The following LIMD1 variants were observed in gnomAD, a reference collection of about 807,000 sequenced individuals.
The protein encoded by LIMD1 is LIM domain containing 1, also known as LIM domain-containing protein 1.
LIMD1 carries 23 observed loss-of-function variants against 58.4 expected under a neutral mutation model. The observed-to-expected ratio is 0.39, with a 90% CI of 0.28 to 0.56. The LOEUF is 0.56. LIMD1 is among the 20% of genes least tolerant of loss of function. The probability of loss-of-function intolerance (pLI) is 0.57; values close to 1 mark genes in which losing one functional copy is unlikely to be tolerated. For synonymous variants in LIMD1, 334 were observed against 345.5 expected (o/e 0.97, Z 0.37); for missense variants, 838 against 855.5 (o/e 0.98, Z 0.25).
chr3:45,625,358 A>G (rs1261629064), intron 1 of LIMD1, among the ~76,000 whole-genome samples: 4 of 152,046 alleles, frequency 2.6e-5, no homozygotes, highest in African/African-American at 7.2e-5. Flanking sequence ...AGTACCTCAC[A>G]CTCAGTAGAT....
At chr3:45,657,059 A>G (rs1286299279) in intron 2 of LIMD1, among the ~76,000 whole-genome samples, 2 of 152,040 alleles carry the variant, frequency 1.3e-5, no homozygotes, top group Admixed American at 6.6e-5. Flanking sequence ...GATTCCAGGA[A>G]TTTTCAGGTT....
chr3:45,657,609 G>A (rs1242738366), intron 2 of LIMD1, among the ~76,000 whole-genome samples: 2 of 152,030 alleles, frequency 1.3e-5, no homozygotes, highest in Non-Finnish European at 1.5e-5. Flanking sequence ...CTGCATATAG[G>A]TGTGCATCCA....
Position 45,676,958 on chromosome 3 carries a change from C to T in LIMD1, c.1930C>T (p.Arg644Cys), listed in dbSNP as rs762728717. ...GGAGCTCAATGATGAAGATGGCCAC[C>T]GCTGTTATCCGCTGGAGGACCACCT... Reference protein sequence around the residue: ...GLELNDEDGHRCYPLEDHLFC... With the variant: ...GLELNDEDGHCCYPLEDHLFC... The change falls in exon 8 of 8, where the codon CGC becomes TGC. Residue 644 changes from arginine to cysteine, a missense_variant. Arg to Cys is a radical substitution (Grantham distance 180). This residue lies in a region of LIMD1 where 174 missense variants were observed against 197.4 expected (regional missense o/e 0.88). Coordinates refer to ENST00000273317, the MANE Select transcript of LIMD1 (RefSeq NM_014240.3). 35 of 1,613,952 alleles carry T rather than the reference C, an allele frequency of 2.2e-5. No homozygotes were observed. The highest frequency in any genetic ancestry group is 1.0e-4 in the Admixed American group (6 of 60,012).
At chr3:45,649,759 TTATATA>T (rs570443903) in intron 2 of LIMD1, among the ~76,000 whole-genome samples, 1 of 146,134 alleles carries the variant, frequency 6.8e-6, no homozygotes, top group Non-Finnish European at 1.5e-5. Flanking sequence ...ATTATATATT[TTATATA>T]TATAATTATA....
At chr3:45,654,041 A>G (rs536956237) in intron 2 of LIMD1, among the ~76,000 whole-genome samples, 68 of 152,208 alleles carry the variant, frequency 4.5e-4, no homozygotes, top group African/African-American at 1.6e-3. Context: ...ACAAGTGGCC[A>G]TCAAGTACTC....
chr3:45,648,974 C>A (rs1701934558), intron 2 of LIMD1, among the ~76,000 whole-genome samples: 1 of 152,096 alleles, frequency 6.6e-6, no homozygotes, highest in South Asian at 2.1e-4. Flanking sequence ...GGAATATTTT[C>A]TTTCATTCTG....
chr3:45,645,509 C>G (rs1306231651), intron 2 of LIMD1, among the ~76,000 whole-genome samples: 1 of 152,164 alleles, frequency 6.6e-6, no homozygotes, highest in African/African-American at 2.4e-5. Context: ...GTGGTAGTCC[C>G]AGACCAAGGG....
At chr3:45,663,799 C>T (rs913039306) in intron 2 of LIMD1, among the ~76,000 whole-genome samples, 1 of 151,712 alleles carries the variant, frequency 6.6e-6, no homozygotes, top group South Asian at 2.1e-4. Context: ...ACTGCAATCT[C>T]CACCTCCTGG....
chr3:45,617,673 A>T (rs569119975), intron 1 of LIMD1, among the ~76,000 whole-genome samples: 15 of 152,358 alleles, frequency 9.8e-5, no homozygotes, highest in Non-Finnish European at 1.8e-4. Flanking sequence ...AGAACTGAAC[A>T]AAGTGTGCTT....
intron 1 of LIMD1, among the ~76,000 whole-genome samples, chr3:45,601,666 T>G (rs781598328): frequency 6.6e-6 from 1 of 152,214 alleles, no homozygotes; most frequent in Admixed American, 6.5e-5. Context: ...TTAGTTTTGA[T>G]GTAGGCACCA....
At chr3:45,598,794 A>G in intron 1 of LIMD1, among the ~76,000 whole-genome samples, 1 of 152,168 alleles carries the variant, frequency 6.6e-6, no homozygotes, top group South Asian at 2.1e-4. Flanking sequence ...AGACTGGACC[A>G]TGTGTTTTCC....
chr3:45,594,774 C>G lies in LIMD1; in HGVS notation c.-106C>G. On this transcript the variant is annotated 5_prime_UTR_variant, in exon 1 of 8. Coordinates refer to ENST00000273317, the MANE Select transcript of LIMD1 (RefSeq NM_014240.3). ...CCCTTCGCCAGCATCTCCCCGCTGC[C>G]CTCAACACACACACACACACACACA... 1 of 921,984 alleles carries G rather than the reference C, an allele frequency of 1.1e-6. No individual in the cohort carries two copies. Among genetic ancestry groups the G allele is most frequent in the African/African-American group, 1.7e-5 (1 of 58,242 alleles). 57.1% of individuals were successfully genotyped at this position (921,984 alleles called of 1,614,324 possible).
At position 45,683,957 on chromosome 3, in the gene LIMD1, G is replaced by T. The variant is rs993802656; in HGVS notation, c.*6898G>T. 6.6e-6 allele frequency: 1 copy of T among 152,156 alleles called. No homozygotes were observed. The highest frequency in any genetic ancestry group is 1.5e-5 in the Non-Finnish European group (1 of 68,040). The allele number at this position is 152,156 out of a possible 1,614,324, so 9.4% of individuals were successfully genotyped here. A position where few individuals can be genotyped will look rare whatever the true frequency, so the allele number is the denominator to read the frequency against. ...AGAGGAAATGAAAGAATATTCCTAA[G>T]TTATTGGGTGCCTTTTCTTCAGGAA... On this transcript the variant is annotated 3_prime_UTR_variant, in exon 8 of 8. Coordinates refer to ENST00000273317, the MANE Select transcript of LIMD1 (RefSeq NM_014240.3).
Position 45,681,937 on chromosome 3 carries a change from A to G in LIMD1, c.*4878A>G, listed in dbSNP as rs1425130448. 6.6e-6 allele frequency: 1 copy of G among 152,238 alleles called. No individual in the cohort carries two copies. The highest frequency in any genetic ancestry group is 1.5e-5 in the Non-Finnish European group (1 of 68,054). 9.4% of individuals were successfully genotyped at this position (152,238 alleles called of 1,614,324 possible). A position where few individuals can be genotyped will look rare whatever the true frequency, so the allele number is the denominator to read the frequency against. ...TTTTTCTCTTCTGAGGTTATGACCAAAGAATCCTCAAGGCGAGTGATCCTT... is the reference window on the plus strand; with the variant it reads ...TTTTTCTCTTCTGAGGTTATGACCAGAGAATCCTCAAGGCGAGTGATCCTT... On this transcript the variant is annotated 3_prime_UTR_variant, in exon 8 of 8. Coordinates refer to ENST00000273317, the MANE Select transcript of LIMD1 (RefSeq NM_014240.3).
intron 1 of LIMD1, among the ~76,000 whole-genome samples, chr3:45,625,296 A>G (rs1296503790): frequency 6.6e-6 from 1 of 152,124 alleles, no homozygotes; most frequent in East Asian, 1.9e-4. Flanking sequence ...TGATTTTTAT[A>G]TATAGCTCAC....
At chr3:45,612,068 G>GCTCTCT (rs1185088852) in intron 1 of LIMD1, among the ~76,000 whole-genome samples, 47 of 89,406 alleles carry the variant, frequency 5.3e-4, no homozygotes, top group African/African-American at 1.2e-3. Context: ...TTGCAGGTGC[G>GCTCTCT]CGCTCTCTCT....
chr3:45,651,378 T>C (rs183123195), intron 2 of LIMD1, among the ~76,000 whole-genome samples: 1 of 152,228 alleles, frequency 6.6e-6, no homozygotes, highest in Non-Finnish European at 1.5e-5. Context: ...TTGCCATTGC[T>C]TTTGGTGTTT....
Position 45,667,894 on chromosome 3 carries a change from A to C in LIMD1, c.1579-400A>C, listed in dbSNP as rs1334727899. Among the ~76,000 whole-genome samples, 3 of 152,172 alleles carry C rather than the reference A, an allele frequency of 2.0e-5. No homozygotes were observed. The East Asian group carries it at 5.8e-4, about 29-fold the overall frequency. ...GGCTTGTGAAAACACAGATTGCCAGAACCCACCCCCTGAGTTTCCAAATCA... is the reference window on the plus strand; with the variant it reads ...GGCTTGTGAAAACACAGATTGCCAGCACCCACCCCCTGAGTTTCCAAATCA... On this transcript the variant is annotated intron_variant, in intron 3 of 7. Transcript: ENST00000273317.
At chr3:45,666,718 C>G (rs1177120304) in intron 3 of LIMD1, among the ~76,000 whole-genome samples, 1 of 152,158 alleles carries the variant, frequency 6.6e-6, no homozygotes, top group African/African-American at 2.4e-5. Context: ...AGTCTCTCCT[C>G]CATTGACTGA....
Sources: allele counts gnomAD v4.1 joint callset (sites outside exome capture counted in the v4.1 genomes callset), GRCh38; gene constraint gnomAD v4.1.1; regional missense constraint gnomAD v4.1.1; transcripts MANE v1.5; gene names NCBI Gene and HGNC (gene_info 2026-07-23, HGNC 2026-07-21).